PTPRD: variants seen among roughly 807,000 people sequenced by gnomAD.
The protein encoded by PTPRD is protein tyrosine phosphatase receptor type D.
Under a neutral mutation model 214.5 loss-of-function variants are expected in PTPRD, and 34 were observed. That is an observed-to-expected ratio of 0.16 (90% confidence interval 0.12 to 0.21). The LOEUF (loss-of-function observed/expected upper bound fraction) is 0.21, where lower values mean the gene tolerates loss of function less well. Ranked by LOEUF, PTPRD falls within the 10% of genes least tolerant of loss-of-function variation. The pLI is 1.00. For missense variants in PTPRD, 2,545 were observed against 2,398.7 expected (o/e 1.06, Z -1.27); for synonymous variants, 1,128 against 845.7 (o/e 1.33, Z -5.79).
chr9:9,644,906 T>C (rs1003183813), intron 7 of PTPRD, among the ~76,000 whole-genome samples: 17 of 152,198 alleles, frequency 1.1e-4, no homozygotes, highest in African/African-American at 4.1e-4. Flanking sequence ...ACCTCCATCA[T>C]TCAATAAAAT....
At chr9:9,215,069 T>C (rs998668090) in intron 9 of PTPRD, among the ~76,000 whole-genome samples, 3 of 152,182 alleles carry the variant, frequency 2.0e-5, no homozygotes, top group Admixed American at 2.0e-4. Flanking sequence ...CTTGGAACAA[T>C]AGTTCCAGTG....
At chr9:8,970,034 G>A (rs999605200) in intron 11 of PTPRD, among the ~76,000 whole-genome samples, 3 of 151,846 alleles carry the variant, frequency 2.0e-5, no homozygotes, top group Non-Finnish European at 4.4e-5. Flanking sequence ...GTGAGATACA[G>A]GAAATTGGAC....
intron 8 of PTPRD, among the ~76,000 whole-genome samples, chr9:9,432,702 C>A (rs72702598): frequency 0.062 from 9,509 of 152,226 alleles, 334 homozygotes; most frequent in Middle Eastern, 0.17. Context: ...CAATGCTAAG[C>A]AATACATATG....
intron 12 of PTPRD, among the ~76,000 whole-genome samples, chr9:8,714,229 T>A (rs1474008722): frequency 1.3e-5 from 2 of 152,212 alleles, no homozygotes; most frequent in African/African-American, 4.8e-5. Context: ...AATGATTATT[T>A]TCCATATTGT....
intron 3 of PTPRD, among the ~76,000 whole-genome samples, chr9:10,260,682 G>C (rs1564849393): frequency 6.6e-6 from 1 of 152,064 alleles, no homozygotes; most frequent in Non-Finnish European, 1.5e-5. Context: ...GATGACATGA[G>C]AATATTCTAC....
chr9:10,091,688 C>G (rs2098433616), intron 3 of PTPRD, among the ~76,000 whole-genome samples: 1 of 151,338 alleles, frequency 6.6e-6, no homozygotes, highest in Admixed American at 6.6e-5. Flanking sequence ...CATTTTCTTG[C>G]AAAGGTTAGA....
At chr9:10,141,666 G>T (rs36169367) in intron 3 of PTPRD, among the ~76,000 whole-genome samples, 10,004 of 151,836 alleles carry the variant, frequency 0.066, 467 homozygotes, top group Admixed American at 0.13. Flanking sequence ...CGTGAAAATG[G>T]CCATACTGCC....
intron 14 of PTPRD, among the ~76,000 whole-genome samples, chr9:8,622,205 G>C (rs951332859): frequency 3.3e-5 from 5 of 151,836 alleles, no homozygotes; most frequent in Admixed American, 1.3e-4. Context: ...AATTACTTAA[G>C]TTTTTTTATT....
At chr9:9,181,402 G>C (rs1593056261) in intron 10 of PTPRD, among the ~76,000 whole-genome samples, 1 of 151,956 alleles carries the variant, frequency 6.6e-6, no homozygotes, top group East Asian at 1.9e-4. Context: ...AAGGTGAACT[G>C]CTAAAATATG....
intron 10 of PTPRD, among the ~76,000 whole-genome samples, chr9:9,117,533 T>C (rs960667734): frequency 2.6e-5 from 4 of 152,198 alleles, no homozygotes; most frequent in African/African-American, 9.7e-5. Context: ...ACTCCAAATG[T>C]AAAGTTGGTA....
intron 8 of PTPRD, among the ~76,000 whole-genome samples, chr9:9,469,592 G>A (rs746106287): frequency 1.3e-5 from 2 of 152,154 alleles, no homozygotes; most frequent in Non-Finnish European, 2.9e-5. Context: ...CAGATGAAAA[G>A]GCCTATTGAG....
At chr9:9,693,351 T>G (rs985142555) in intron 7 of PTPRD, among the ~76,000 whole-genome samples, 1 of 152,144 alleles carries the variant, frequency 6.6e-6, no homozygotes, top group Non-Finnish European at 1.5e-5. Context: ...TCATGAGATC[T>G]GATGGTTTTA....
intron 3 of PTPRD, among the ~76,000 whole-genome samples, chr9:10,171,410 A>T (rs1334660603): frequency 6.6e-6 from 1 of 151,984 alleles, no homozygotes; most frequent in East Asian, 1.9e-4. Context: ...CTTGCCACGG[A>T]CATGTAGGAA....
intron 12 of PTPRD, among the ~76,000 whole-genome samples, chr9:8,725,263 G>A (rs962035004): frequency 6.6e-6 from 1 of 152,150 alleles, no homozygotes; most frequent in Non-Finnish European, 1.5e-5. Context: ...GCTTGTTACT[G>A]TTAGAAAATG....
At chr9:10,098,068 C>T (rs2098510696) in intron 3 of PTPRD, among the ~76,000 whole-genome samples, 1 of 151,696 alleles carries the variant, frequency 6.6e-6, no homozygotes, top group South Asian at 2.1e-4. Context: ...GCACTATTCA[C>T]AATAGCAAAG....
intron 2 of PTPRD, among the ~76,000 whole-genome samples, chr9:10,608,369 T>C (rs1395501836): frequency 1.3e-5 from 2 of 152,034 alleles, no homozygotes; most frequent in African/African-American, 4.8e-5. Context: ...AGTCCACCTC[T>C]TCCCTTCCAT....
intron 8 of PTPRD, among the ~76,000 whole-genome samples, chr9:9,464,089 G>A (rs1049035631): frequency 1.3e-5 from 2 of 152,134 alleles, no homozygotes; most frequent in Admixed American, 6.5e-5. Context: ...TTGAAGAGAT[G>A]GATTTGAGTC....
At chr9:9,736,244 G>T (rs1036851696) in intron 6 of PTPRD, among the ~76,000 whole-genome samples, 2 of 151,984 alleles carry the variant, frequency 1.3e-5, no homozygotes, top group African/African-American at 4.8e-5. Context: ...CCAGCCTATG[G>T]TTCTAACTTA....
chr9:9,125,424 T>C lies in PTPRD; in HGVS notation c.-143+57880A>G, dbSNP rs55708165. Among the ~76,000 whole-genome samples the C allele has an allele frequency of 8.3e-3, 1,268 of 152,328 alleles. 12 individuals carry two copies. The highest frequency in any genetic ancestry group is 0.02 in the African/African-American group (838 of 41,572). ...TCACTCCATTACCATTCAGTTGCAG[T>C]TTGACTTTCTTTCTTCCCACAGTAC... On this transcript the variant is annotated intron_variant, in intron 10 of 45. Transcript: ENST00000381196.
Sources: gnomAD v4.1 joint callset for allele counts (sites outside exome capture counted in the v4.1 genomes callset) on GRCh38, gnomAD v4.1.1 for gene constraint, MANE v1.5 for transcripts, NCBI Gene and HGNC (gene_info 2026-07-23, HGNC 2026-07-21) for gene names.